Variants in ACIN1 observed in about 807,000 individuals in gnomAD.
ACIN1 encodes the protein apoptotic chromatin condensation inducer in the nucleus.
A neutral mutation model predicts 146.6 loss-of-function variants in ACIN1; 16 were observed. That is an observed-to-expected ratio of 0.11 (90% CI 0.07 to 0.17). The LOEUF (loss-of-function observed/expected upper bound fraction) is 0.17. ACIN1 is among the 10% of genes least tolerant of loss of function. The pLI is 1.00. For synonymous variants in ACIN1, 569 were observed against 582.7 expected (o/e 0.98, Z 0.34); for missense variants, 1,357 against 1,609.3 (o/e 0.84, Z 2.68).
At chr14:23,059,825 T>C (rs1288448358) in intron 18 of ACIN1, among the ~76,000 whole-genome samples, 2 of 150,682 alleles carry the variant, frequency 1.3e-5, no homozygotes, top group East Asian at 3.9e-4. Flanking sequence ...GGCTAATTTT[T>C]TTGTATTTTC....
In ACIN1 at chr14:23,059,161, C is replaced by G; in HGVS notation, c.3839G>C (p.Gly1280Ala). The stretch of plus-strand genomic sequence containing the variant: ...GTGTTTTCCCAGCTAGCGGCGCCCA[C>G]CCCGGTCCCGCACAGGTGTGCTCCG... ...RSRSTPVRDR[G>A]GRR The change falls in exon 19 of 19, where the codon GGT becomes GCT. Residue 1280 changes from glycine to alanine, a missense_variant. Gly to Ala is a moderately conservative substitution (Grantham distance 60). Coordinates refer to ENST00000605057, the MANE Select transcript of ACIN1 (RefSeq NM_001386863.1). 6.2e-7 allele frequency: 1 copy of G among 1,613,746 alleles called. No individual in the cohort carries two copies. The highest frequency in any genetic ancestry group is 8.5e-7 in the Non-Finnish European group (1 of 1,179,794).
chr14:23,092,958 G>T (rs141713560), intron 2 of ACIN1, among the ~76,000 whole-genome samples: 1 of 152,178 alleles, frequency 6.6e-6, no homozygotes, highest in African/African-American at 2.4e-5. Context: ...GCCTCCAAAG[G>T]TTGTTTCTTA....
In ACIN1 at chr14:23,069,585, C is replaced by T. The variant is rs746759134; in HGVS notation, c.2156G>A (p.Ser719Asn). ...AACATCATTTTCAGGTCTGTTTTCA[C>T]TTGTGTCCATGGTCACTTCCTCCTT... Reference protein sequence around the residue: ...EEKEEVTMDTSENRPENDVPE... With the variant: ...EEKEEVTMDTNENRPENDVPE... Residue 719 changes from serine (S) to asparagine (N), a missense_variant, in exon 9 of 19, where the codon AGT becomes AAT. Coordinates refer to ENST00000605057, the MANE Select transcript of ACIN1 (RefSeq NM_001386863.1). 9 of 1,514,408 alleles carry T rather than the reference C, an allele frequency of 5.9e-6. No individual in the cohort carries two copies. Among genetic ancestry groups the T allele is most frequent in the Non-Finnish European group, 2.7e-6 (3 of 1,118,204 alleles). The allele number at this position is 1,514,408 out of a possible 1,614,324, so 93.8% of individuals were successfully genotyped here.
intron 15 of ACIN1, 49 bp downstream of exon 15, chr14:23,062,367 C>T: frequency 1.2e-6 from 2 of 1,609,216 alleles, no homozygotes; most frequent in Non-Finnish European, 1.7e-6. Flanking sequence ...ACACTGGTCA[C>T]AAAAGGAAAT....
Position 23,078,162 on chromosome 14 carries a change from A to G in ACIN1, c.2112T>C (p.Ile704=). The G allele has an allele frequency of 1.2e-6, 2 of 1,614,138 alleles. No individual in the cohort carries two copies. Among genetic ancestry groups the G allele is most frequent in the Non-Finnish European group, 8.5e-7 (1 of 1,179,978 alleles). The part of the protein sequence containing the change: ...QTSHLPESER[I]HHTVEEKEEV... ...GATATATCACTTACACAGTGTGATG[A>G]ATTCTTTCTGATTCTGGCAGATGAG... The change falls in exon 8 of 19, where the codon ATT becomes ATC. Residue 704 remains isoleucine (I), a synonymous_variant. Coordinates refer to ENST00000605057, the MANE Select transcript of ACIN1 (RefSeq NM_001386863.1).
intron 8 of ACIN1, chr14:23,071,467 G>C: frequency 6.4e-7 from 1 of 1,551,778 alleles, no homozygotes; most frequent in African/African-American, 1.4e-5. Context: ...CTCTGGAGAA[G>C]GAGGAAGAGG....
At chr14:23,091,803 T>C (rs2048237084) in intron 2 of ACIN1, among the ~76,000 whole-genome samples, 1 of 152,086 alleles carries the variant, frequency 6.6e-6, no homozygotes, top group Admixed American at 6.5e-5. Flanking sequence ...TTTGCATTTT[T>C]AGTATAGACG....
At chr14:23,088,884 G>A (rs887842666) in intron 4 of ACIN1, among the ~76,000 whole-genome samples, 2 of 152,150 alleles carry the variant, frequency 1.3e-5, no homozygotes, top group African/African-American at 2.4e-5. Context: ...TGAGTGTCAT[G>A]TGAATACTCA....
Position 23,068,273 on chromosome 14 carries a change from C to A in ACIN1, c.2265+1203G>T. The A allele has an allele frequency of 3.0e-6, 3 of 985,886 alleles. No homozygotes were observed. The highest frequency in any genetic ancestry group is 3.6e-6 in the Non-Finnish European group (3 of 829,960). 61.1% of individuals were successfully genotyped at this position (985,886 alleles called of 1,614,324 possible). On this transcript the variant is annotated intron_variant, in intron 9 of 18. Coordinates refer to ENST00000605057, the MANE Select transcript of ACIN1 (RefSeq NM_001386863.1). The surrounding 1 kb of genome is among the most constrained non-coding windows in gnomAD (Gnocchi z 4.3). ...AGGTCTTGGTGCCCTAGATGGGGAT[C>A]CCAACAGTCTGTAGCAAACAAGGCA...
rs1268949019 is a variant in ACIN1 at position 23,067,252 on chromosome 14, G to A, written c.2266-1244C>T. On this transcript the variant is annotated intron_variant, in intron 9 of 18. Coordinates refer to ENST00000605057, the MANE Select transcript of ACIN1 (RefSeq NM_001386863.1). The surrounding 1 kb of genome is among the most constrained non-coding windows in gnomAD (Gnocchi z 4.6). Reference sequence around the variant, plus strand: ...ATAAAATAAAATATTAAAAAAAGAAGAAGAAAATAAAGAAGAAAATAAACT... The same window carrying A: ...ATAAAATAAAATATTAAAAAAAGAAAAAGAAAATAAAGAAGAAAATAAACT... The A allele has an allele frequency of 1.4e-5, 13 of 926,694 alleles. No homozygotes were observed. Among genetic ancestry groups the A allele is most frequent in the East Asian group, 2.3e-4 (2 of 8,536 alleles). 57.4% of individuals were successfully genotyped at this position (926,694 alleles called of 1,614,324 possible). A position where few individuals can be genotyped will look rare whatever the true frequency, so the allele number is the denominator to read the frequency against.
chr14:23,070,201 G>A (rs1053260839), intron 8 of ACIN1, among the ~76,000 whole-genome samples: 1 of 150,944 alleles, frequency 6.6e-6, no homozygotes, highest in Non-Finnish European at 1.5e-5. Context: ...AATGGTGGGG[G>A]GTGGGGGGTG....
intron 3 of ACIN1, 22 bp from the exon 4 acceptor site, chr14:23,090,123 G>A (rs757312351): frequency 3.1e-6 from 5 of 1,607,648 alleles, no homozygotes; most frequent in East Asian, 2.2e-5. Flanking sequence ...AGATCGGGTC[G>A]GGGCAGGGAG....
intron 8 of ACIN1, among the ~76,000 whole-genome samples, chr14:23,072,754 T>G (rs1355934117): frequency 2.0e-5 from 3 of 152,228 alleles, no homozygotes; most frequent in Non-Finnish European, 4.4e-5. Context: ...CAATGCCAAC[T>G]GCATGCTAAA....
In ACIN1 at chr14:23,069,550, G is replaced by A. The variant is rs980819079; in HGVS notation, c.2191C>T (p.Pro731Ser). 6.2e-7 allele frequency: 1 copy of A among 1,612,222 alleles called. No individual in the cohort carries two copies. Among genetic ancestry groups the A allele is most frequent in the African/African-American group, 1.3e-5 (1 of 74,790 alleles). ...CTGACTTGGTCTGCAATAGGCATGGGAGGTTCTGGAACATCATTTTCAGGT... is the reference window on the plus strand; with the variant it reads ...CTGACTTGGTCTGCAATAGGCATGGAAGGTTCTGGAACATCATTTTCAGGT... ...NRPENDVPEP[P>S]MPIADQVSND... The change falls in exon 9 of 19, where the codon CCC (proline) becomes TCC (serine). Residue 731 changes from proline (P) to serine (S), a missense_variant. Around this residue, in one of 4 missense-constraint regions of ACIN1, gnomAD observed 771 missense variants for 746.6 expected, o/e 1.03. Transcript: ENST00000605057.
chr14:23,062,356 C>T (rs2047316557), intron 15 of ACIN1, 60 bp downstream of exon 15: 1 of 1,604,710 alleles, frequency 6.2e-7, no homozygotes, highest in African/African-American at 1.3e-5. Flanking sequence ...TAAACCTGCC[C>T]ACACTGGTCA....
intron 4 of ACIN1, among the ~76,000 whole-genome samples, chr14:23,086,683 C>G (rs893624096): frequency 1.1e-4 from 17 of 152,244 alleles, no homozygotes; most frequent in Non-Finnish European, 5.9e-5. Flanking sequence ...AGATAGGACT[C>G]ACTATGTTGC....
chr14:23,063,291 G>A, intron 13 of ACIN1, 145 bp downstream of exon 13: 1 of 1,216,130 alleles, frequency 8.2e-7, no homozygotes, highest in East Asian at 2.5e-5. Flanking sequence ...CCCTCAAGTA[G>A]CTTACTTAAT....
intron 18 of ACIN1, among the ~76,000 whole-genome samples, chr14:23,060,861 C>G (rs1286088633): frequency 6.6e-6 from 1 of 152,222 alleles, no homozygotes; most frequent in African/African-American, 2.4e-5. Context: ...TCCCAGACAT[C>G]CACAAACTTC....
chr14:23,066,135 CAG>C (rs2047448554), intron 9 of ACIN1, 127 bp from the exon 10 acceptor site: 8 of 699,306 alleles, frequency 1.1e-5, no homozygotes, highest in Admixed American at 5.5e-5. Flanking sequence ...GAGAGAGAGA[CAG>C]AGAGAGACAC....
Sources: allele counts gnomAD v4.1 joint callset (sites outside exome capture counted in the v4.1 genomes callset), GRCh38; gene constraint gnomAD v4.1.1; regional missense constraint gnomAD v4.1.1; non-coding constraint Gnocchi (gnomAD v3.1); transcripts MANE v1.5; gene names NCBI Gene and HGNC (gene_info 2026-07-23, HGNC 2026-07-21).